PTPRM: variants seen among roughly 807,000 people sequenced by gnomAD.
PTPRM encodes receptor-type tyrosine-protein phosphatase mu.
In PTPRM, 47 loss-of-function variants were observed where a neutral mutation model predicts 186.7. That is an observed-to-expected ratio of 0.25 (90% CI 0.20 to 0.32). PTPRM has a LOEUF of 0.32. Ranked by LOEUF, PTPRM falls within the 10% of genes least tolerant of loss-of-function variation. The pLI, the probability that PTPRM is intolerant of heterozygous loss-of-function variation, is 1.00. For synonymous variants in PTPRM, 668 were observed against 674.9 expected (o/e 0.99, Z 0.16); for missense variants, 1,494 against 1,865.0 (o/e 0.80, Z 3.66).
chr18:8,026,876 A>G (rs1189859366), intron 7 of PTPRM, among the ~76,000 whole-genome samples: 1 of 152,240 alleles, frequency 6.6e-6, no homozygotes, highest in Non-Finnish European at 1.5e-5. Flanking sequence ...AAAATGCTTA[A>G]AATAGAACAA....
At chr18:7,749,583 G>A (rs1034057481) in intron 1 of PTPRM, 11 of 152,114 alleles carry the variant, frequency 7.2e-5, no homozygotes, top group African/African-American at 2.7e-4. Context: ...TAGGACTGGG[G>A]CCCTCTGGAA....
chr18:7,884,257 C>T (rs989940440), intron 2 of PTPRM, among the ~76,000 whole-genome samples: 4 of 152,190 alleles, frequency 2.6e-5, no homozygotes, highest in African/African-American at 7.2e-5. Flanking sequence ...TTGTGGCAGG[C>T]TTTGTCCCGC....
chr18:7,923,826 C>G (rs55830663), intron 4 of PTPRM, among the ~76,000 whole-genome samples: 15,681 of 152,194 alleles, frequency 0.1, 929 homozygotes, highest in African/African-American at 0.14. Flanking sequence ...TCTGCATCTT[C>G]TTTTGCTCAA....
intron 1 of PTPRM, among the ~76,000 whole-genome samples, chr18:7,737,107 A>G (rs1019587910): frequency 6.9e-6 from 1 of 144,626 alleles, no homozygotes; most frequent in Non-Finnish European, 1.5e-5. Flanking sequence ...CCCAGCCCCA[A>G]CTCTGGAATT....
chr18:8,093,680 AT>A (rs957145334), intron 11 of PTPRM, among the ~76,000 whole-genome samples: 2 of 152,176 alleles, frequency 1.3e-5, no homozygotes, highest in African/African-American at 2.4e-5. Flanking sequence ...AGAAAAAAAA[AT>A]GGATGTGTTT....
intron 1 of PTPRM, among the ~76,000 whole-genome samples, chr18:7,590,275 G>T (rs1449081199): frequency 6.6e-6 from 1 of 152,086 alleles, no homozygotes; most frequent in Non-Finnish European, 1.5e-5. Flanking sequence ...TGTATATAAG[G>T]ATATTTATAA....
intron 2 of PTPRM, among the ~76,000 whole-genome samples, chr18:7,787,790 G>T (rs953355727): frequency 1.3e-5 from 2 of 152,132 alleles, no homozygotes; most frequent in East Asian, 1.9e-4. Context: ...TGAAAAATCC[G>T]CAGAGCTTTT....
intron 1 of PTPRM, among the ~76,000 whole-genome samples, chr18:7,634,262 T>C (rs941666528): frequency 6.6e-6 from 1 of 152,102 alleles, no homozygotes; most frequent in African/African-American, 2.4e-5. Context: ...TTCACTGCCA[T>C]CTCCAGCCTC....
chr18:8,099,140 T>TCA (rs2145500519), intron 11 of PTPRM, among the ~76,000 whole-genome samples: 3 of 141,492 alleles, frequency 2.1e-5, no homozygotes, highest in African/African-American at 7.9e-5. Context: ...ACAGTCTCTT[T>TCA]CTCTCTCTCT....
At chr18:8,309,950 A>G (rs73396049) in intron 20 of PTPRM, among the ~76,000 whole-genome samples, 3,715 of 152,276 alleles carry the variant, frequency 0.024, 168 homozygotes, top group African/African-American at 0.084. Context: ...TTTATACCCA[A>G]CAACCTACTC....
In PTPRM at chr18:8,406,163, T is replaced by C. The variant is rs1468480010; in HGVS notation, c.*1T>C. On this transcript the variant is annotated 3_prime_UTR_variant, in exon 33 of 33. Transcript: ENST00000580170. The stretch of plus-strand genomic sequence containing the variant: ...CCTGGAATACTTGAATTCTGGCTGA[T>C]GGTGTAAACAGCTCTGCAAACAATC... 1 of 1,613,786 alleles carries C rather than the reference T, an allele frequency of 6.2e-7. No homozygotes were observed. The highest frequency in any genetic ancestry group is 1.7e-5 in the Admixed American group (1 of 60,006).
chr18:7,678,903 A>G lies in PTPRM; in HGVS notation c.74-95246A>G, dbSNP rs528552599. On this transcript the variant is annotated intron_variant, in intron 1 of 32. Coordinates refer to ENST00000580170, the MANE Select transcript of PTPRM (RefSeq NM_001105244.2). The stretch of plus-strand genomic sequence containing the variant: ...AAGATATCTGTATGCATGTATCCGT[A>G]TGCTGAGAGTGGGATTTCTGAGTCA... Among the ~76,000 whole-genome samples, 3 of 152,292 alleles carry G rather than the reference A, an allele frequency of 2.0e-5. No individual in the cohort carries two copies. The East Asian group carries it at 5.8e-4, about 29-fold the overall frequency.
chr18:7,991,093 G>T (rs774196388), intron 7 of PTPRM, among the ~76,000 whole-genome samples: 10 of 152,128 alleles, frequency 6.6e-5, no homozygotes, highest in Admixed American at 1.3e-4. Flanking sequence ...CATGAATGAG[G>T]TTCTTAATTT....
chr18:7,805,977 A>G (rs2044214099), intron 2 of PTPRM, among the ~76,000 whole-genome samples: 1 of 152,240 alleles, frequency 6.6e-6, no homozygotes, highest in Non-Finnish European at 1.5e-5. Flanking sequence ...GAGGGAGGCC[A>G]CAGCATTGAA....
intron 1 of PTPRM, among the ~76,000 whole-genome samples, chr18:7,622,866 G>A (rs776174162): frequency 9.2e-5 from 14 of 152,144 alleles, no homozygotes; most frequent in African/African-American, 3.1e-4. Context: ...CTGTTGAGGA[G>A]AGAGAAAGAG....
chr18:8,025,707 C>T (rs1021671432), intron 7 of PTPRM, among the ~76,000 whole-genome samples: 2 of 152,048 alleles, frequency 1.3e-5, no homozygotes, highest in Non-Finnish European at 2.9e-5. Context: ...TGACCTAAAA[C>T]CTGAGGTCAA....
intron 14 of PTPRM, among the ~76,000 whole-genome samples, chr18:8,225,500 C>G (rs1376582513): frequency 3.9e-5 from 6 of 152,104 alleles, no homozygotes; most frequent in Non-Finnish European, 7.3e-5. Context: ...AGTCATTTCT[C>G]TAATAAACCC....
chr18:7,901,551 G>C (rs543330448), intron 3 of PTPRM, among the ~76,000 whole-genome samples: 151 of 152,200 alleles, frequency 9.9e-4, no homozygotes, highest in African/African-American at 3.4e-3. Context: ...ATTTTTAGTA[G>C]AGACGGGTTT....
At chr18:8,000,719 G>A (rs148501497) in intron 7 of PTPRM, among the ~76,000 whole-genome samples, 117 of 152,230 alleles carry the variant, frequency 7.7e-4, no homozygotes, top group African/African-American at 2.6e-3. Context: ...TATGGTGACC[G>A]CCTCATCCAT....
Sources: allele counts gnomAD v4.1 joint callset (sites outside exome capture counted in the v4.1 genomes callset), GRCh38; gene constraint gnomAD v4.1.1; transcripts MANE v1.5; gene names NCBI Gene and HGNC (gene_info 2026-07-23, HGNC 2026-07-21).